The following ZNF83 variants were observed in gnomAD, a reference collection of about 807,000 sequenced individuals.
ZNF83 encodes the protein zinc finger protein 83, also known as zinc finger protein 816B.
For synonymous variants in ZNF83, 209 were observed against 213.0 expected, an observed-to-expected ratio of 0.98 and a Z score of 0.17; for missense variants, 552 against 629.9, an observed-to-expected ratio of 0.88 and a Z score of 1.32.
intron 3 of ZNF83, chr19:52,650,364 C>T (rs1461011122): frequency 6.6e-6 from 1 of 151,844 alleles, no homozygotes; most frequent in Non-Finnish European, 1.5e-5. Flanking sequence ...TCACGTGATT[C>T]TCCTGCCTCA....
chr19:52,632,668 A>G (rs1364475503), intron 2 of ZNF83, among the ~76,000 whole-genome samples: 1 of 7,574 alleles, frequency 1.3e-4, no homozygotes, highest in East Asian at 3.2e-3. Flanking sequence ...TGGCAAGGCT[A>G]TGCTGAACCT....
chr19:52,628,053 CA>C (rs1412618286), intron 2 of ZNF83, among the ~76,000 whole-genome samples: 4 of 140,454 alleles, frequency 2.8e-5, no homozygotes, highest in African/African-American at 8.3e-5. Flanking sequence ...TTTACCTACC[CA>C]AATCCTATAA....
intron 2 of ZNF83, among the ~76,000 whole-genome samples, chr19:52,630,247 A>G (rs2060904274): frequency 6.6e-6 from 1 of 152,188 alleles, no homozygotes; most frequent in Non-Finnish European, 1.5e-5. Context: ...GTGGCTGAAG[A>G]CTGACACTGC....
At chr19:52,684,364 A>G (rs1055137585) in intron 1 of ZNF83, among the ~76,000 whole-genome samples, 71 of 151,926 alleles carry the variant, frequency 4.7e-4, no homozygotes, top group African/African-American at 1.6e-3. Context: ...AGACTCAAAA[A>G]TAAAATATAA....
intron 1 of ZNF83, among the ~76,000 whole-genome samples, chr19:52,676,053 C>G (rs1211667222): frequency 6.6e-6 from 1 of 152,146 alleles, no homozygotes; most frequent in Non-Finnish European, 1.5e-5. Flanking sequence ...CTCTCCCTCT[C>G]CCTCTCCCGC....
intron 1 of ZNF83, among the ~76,000 whole-genome samples, chr19:52,680,641 C>G (rs1305008509): frequency 8.7e-6 from 1 of 114,944 alleles, no homozygotes; most frequent in Non-Finnish European, 1.6e-5. Flanking sequence ...GAGACGGAGT[C>G]TCGCTCTGTC....
intron 1 of ZNF83, among the ~76,000 whole-genome samples, chr19:52,684,258 C>T (rs964467387): frequency 2.0e-5 from 3 of 151,834 alleles, no homozygotes; most frequent in African/African-American, 4.8e-5. Flanking sequence ...CCCAGCTACT[C>T]GGGAGGCTGA....
At chr19:52,613,115 G>A in exon 3 of ZNF83, 2 of 1,614,082 alleles carry the variant, frequency 1.2e-6, no homozygotes, top group Non-Finnish European at 1.7e-6. Flanking sequence ...CATTTGAAAT[G>A]TTTCTCTCCA....
At position 52,621,647 on chromosome 19, in the gene ZNF83, A is replaced by G. The variant is rs796446357; in HGVS notation, c.-233-6850T>C. 2.4e-5 allele frequency among the ~76,000 whole-genome samples: 3 copies of G among 123,134 alleles called. No individual in the cohort carries two copies. In the Admixed American group the frequency reaches 2.5e-4, roughly 10 times the overall value. 80.8% of individuals were successfully genotyped at this position (123,134 alleles called of 152,430 possible). On this transcript the variant is annotated intron_variant, in intron 2 of 2. Coordinates refer to ENST00000301096, the Ensembl canonical transcript of ZNF83. ...ACTTACGTTTTTACTATGGGCAACC[A>G]TCCACCCTCCATTCCTCCTACTTCC...
At chr19:52,688,950 GA>G (rs56247444) in intron 1 of ZNF83, among the ~76,000 whole-genome samples, 33,737 of 124,408 alleles carry the variant, frequency 0.27, 4,458 homozygotes, top group Admixed American at 0.36. Flanking sequence ...AAGGTTGAAG[GA>G]AAAAAAAAAA....
At chr19:52,652,970 T>C (rs2061462201) in intron 3 of ZNF83, 2 of 1,313,494 alleles carry the variant, frequency 1.5e-6, no homozygotes, top group Non-Finnish European at 1.1e-6. Context: ...CCACACTCAT[T>C]ACACCTGTAA....
upstream of ZNF83, among the ~76,000 whole-genome samples, chr19:52,642,427 C>A (rs2061320463): frequency 6.6e-6 from 1 of 151,748 alleles, no homozygotes; most frequent in South Asian, 2.1e-4. Context: ...CACCACCACG[C>A]CTGGCTAATT....
At chr19:52,682,551 G>A (rs1490780427) in intron 1 of ZNF83, among the ~76,000 whole-genome samples, 1 of 152,006 alleles carries the variant, frequency 6.6e-6, no homozygotes, top group African/African-American at 2.4e-5. Flanking sequence ...CATACCTGTA[G>A]TCCCAGCTAC....
At position 52,687,781 on chromosome 19, in the gene ZNF83, C is replaced by T. The variant is rs187398031; in HGVS notation, c.-283+2662G>A. On this transcript the variant is annotated intron_variant, in intron 1 of 5. Coordinates refer to the ZNF83 transcript ENST00000594682. ...CCAAGGCTGCAGTTAGAGGAGATCACGCCACTGCACTCCAGCCCGAGTGAT... is the reference window on the plus strand; with the variant it reads ...CCAAGGCTGCAGTTAGAGGAGATCATGCCACTGCACTCCAGCCCGAGTGAT... Among the ~76,000 whole-genome samples, 11 of 147,504 alleles carry T rather than the reference C, an allele frequency of 7.5e-5. No individual in the cohort carries two copies. In the East Asian group the frequency reaches 1.0e-3, roughly 13 times the overall value.
intron 2 of ZNF83, among the ~76,000 whole-genome samples, chr19:52,622,657 C>G (rs2060591247): frequency 6.6e-6 from 1 of 152,178 alleles, no homozygotes; most frequent in Non-Finnish European, 1.5e-5. Context: ...GATGAAAACC[C>G]AGCCCAGTTC....
intron 2 of ZNF83, among the ~76,000 whole-genome samples, chr19:52,627,995 C>T (rs922297274): frequency 5.3e-5 from 8 of 152,070 alleles, no homozygotes; most frequent in Admixed American, 2.0e-4. Flanking sequence ...CCACTGAGTA[C>T]GTTGTGACAC....
chr19:52,669,204 C>T (rs1424956675), intron 1 of ZNF83, among the ~76,000 whole-genome samples: 1 of 152,090 alleles, frequency 6.6e-6, no homozygotes, highest in Non-Finnish European at 1.5e-5. Context: ...TTTCATCAAC[C>T]AGAGAAAGGA....
chr19:52,623,415 AC>A (rs1253378183), intron 2 of ZNF83, among the ~76,000 whole-genome samples: 1 of 151,976 alleles, frequency 6.6e-6, no homozygotes, highest in African/African-American at 2.4e-5. Flanking sequence ...AGGCTCCTGG[AC>A]CCCTTAAAAC....
chr19:52,623,471 C>T (rs774044198), intron 2 of ZNF83, among the ~76,000 whole-genome samples: 1 of 152,146 alleles, frequency 6.6e-6, no homozygotes, highest in Non-Finnish European at 1.5e-5. Flanking sequence ...TTATGCACTC[C>T]TTTTTAGTTA....
Sources: allele counts gnomAD v4.1 joint callset (sites outside exome capture counted in the v4.1 genomes callset), GRCh38; gene constraint gnomAD v4.1.1; transcripts MANE v1.5; gene names NCBI Gene and HGNC (gene_info 2026-07-23, HGNC 2026-07-21).